ZNF423: variants seen among roughly 807,000 people sequenced by gnomAD.
ZNF423 encodes Ebf-associated zinc finger protein.
In ZNF423, 12 loss-of-function variants were observed where a neutral mutation model predicts 95.8. The ratio of observed to expected loss-of-function variants is 0.13; its 90% CI spans 0.08 to 0.20. ZNF423 has a LOEUF of 0.20. ZNF423 is among the 10% of genes least tolerant of loss of function. The probability of loss-of-function intolerance (pLI) is 1.00; values close to 1 mark genes in which losing one functional copy is unlikely to be tolerated. For missense variants in ZNF423, 1,316 were observed against 1,737.1 expected, an observed-to-expected ratio of 0.76 and a Z score of 4.31; for synonymous variants, 749 against 711.9, an observed-to-expected ratio of 1.05 and a Z score of -0.83.
chr16:49,509,145 G>A (rs8057047), intron 7 of ZNF423, among the ~76,000 whole-genome samples: 8,196 of 152,188 alleles, frequency 0.054, 330 homozygotes, highest in African/African-American at 0.11. Context: ...AAAGTGGCTC[G>A]CTAAGTCGTC....
intron 5 of ZNF423, among the ~76,000 whole-genome samples, chr16:49,595,790 G>A (rs59642940): frequency 0.068 from 10,339 of 152,154 alleles, 578 homozygotes; most frequent in East Asian, 0.27. Context: ...AGCAGAGAAT[G>A]TATAAATATT....
chr16:49,582,581 A>G (rs1405508436), intron 5 of ZNF423, among the ~76,000 whole-genome samples: 1 of 152,366 alleles, frequency 6.6e-6, no homozygotes, highest in East Asian at 1.9e-4. Flanking sequence ...AATGTAATTG[A>G]TCCCATCTGA....
chr16:49,490,931 A>G lies in ZNF423; in HGVS notation c.*344T>C. 1 of 250,042 alleles carries G rather than the reference A, an allele frequency of 4.0e-6. No homozygotes were observed. The highest frequency in any genetic ancestry group is 7.6e-6 in the Non-Finnish European group (1 of 131,284). The allele number at this position is 250,042 out of a possible 1,614,324, so 15.5% of individuals were successfully genotyped here. A position where few individuals can be genotyped will look rare whatever the true frequency, so the allele number is the denominator to read the frequency against. On this transcript the variant is annotated 3_prime_UTR_variant, in exon 8 of 8. Transcript: ENST00000563137. ...AAAAGAAGCAAAGAAAAAAAATCAC[A>G]CTAATTCTTTTTTAAAAACTATCAA... is the stretch of plus-strand genomic sequence containing the variant.
intron 2 of ZNF423, among the ~76,000 whole-genome samples, chr16:49,785,726 G>A (rs915010583): frequency 3.3e-5 from 5 of 152,166 alleles, no homozygotes; most frequent in African/African-American, 1.2e-4. Flanking sequence ...CATCCACCAC[G>A]GCCCCCTCAC....
chr16:49,845,210 T>C (rs2035232644), intron 1 of ZNF423, among the ~76,000 whole-genome samples: 1 of 150,872 alleles, frequency 6.6e-6, no homozygotes, highest in Non-Finnish European at 1.5e-5. Flanking sequence ...GTTCCAGCGA[T>C]TCTCCTGCCT....
At chr16:49,571,325 A>C (rs139197472) in intron 5 of ZNF423, among the ~76,000 whole-genome samples, 2,692 of 152,106 alleles carry the variant, frequency 0.018, 35 homozygotes, top group South Asian at 0.035. Flanking sequence ...GCCAGGGAGG[A>C]AGATATTCAC....
At chr16:49,702,903 GCA>G (rs879766699) in intron 3 of ZNF423, among the ~76,000 whole-genome samples, 252 of 118,562 alleles carry the variant, frequency 2.1e-3, no homozygotes, top group Non-Finnish European at 3.4e-3. Flanking sequence ...CTGCCTGTGT[GCA>G]CACGCACACA....
chr16:49,787,655 G>T (rs2034337675), intron 2 of ZNF423, among the ~76,000 whole-genome samples: 1 of 152,136 alleles, frequency 6.6e-6, no homozygotes, highest in Non-Finnish European at 1.5e-5. Flanking sequence ...CTGCAAGCTG[G>T]GAGACACCTC....
intron 3 of ZNF423, among the ~76,000 whole-genome samples, chr16:49,639,811 C>T (rs533647847): frequency 6.6e-6 from 1 of 152,248 alleles, no homozygotes; most frequent in Non-Finnish European, 1.5e-5. Context: ...CACAACCCCC[C>T]TCGTTTGCTG....
chr16:49,676,082 A>G (rs2031034379), intron 3 of ZNF423, among the ~76,000 whole-genome samples: 1 of 152,224 alleles, frequency 6.6e-6, no homozygotes, highest in Non-Finnish European at 1.5e-5. Context: ...ATGGTTAGTA[A>G]ATAAACACTT....
In ZNF423 at chr16:49,703,788, G is replaced by A. The variant is rs139927321; in HGVS notation, c.301+26983C>T. Among the ~76,000 whole-genome samples, 11 of 152,316 alleles carry A rather than the reference G, an allele frequency of 7.2e-5. No homozygotes were observed. In the East Asian group the frequency reaches 1.2e-3, roughly 16 times the overall value. On this transcript the variant is annotated intron_variant, in intron 3 of 7. Coordinates refer to ENST00000563137, the MANE Select transcript of ZNF423 (RefSeq NM_001379286.1). ...TCTGGAGCTGGCTGGCTCCTAGGTC[G>A]CCCTAACTCGCTGGGCTGGCAGGGG...
chr16:49,780,246 A>C lies in ZNF423; in HGVS notation c.100+9241T>G, dbSNP rs373719356. Among the ~76,000 whole-genome samples the C allele has an allele frequency of 1.2e-4, 19 of 152,340 alleles. No individual in the cohort carries two copies. In the East Asian group the frequency reaches 2.7e-3, roughly 22 times the overall value. ...ACACATGTGCACAGCAGGCATGTCG[A>C]CGAGGAAGCCAAGTACAGTGGAGCC... is the stretch of plus-strand genomic sequence containing the variant. On this transcript the variant is annotated intron_variant, in intron 2 of 7. Transcript: ENST00000563137.
At chr16:49,807,848 C>T in intron 1 of ZNF423, among the ~76,000 whole-genome samples, 1 of 152,222 alleles carries the variant, frequency 6.6e-6, no homozygotes, top group African/African-American at 2.4e-5. Flanking sequence ...AGAGCAGCAA[C>T]TCAGCCTCTC....
At chr16:49,836,401 A>G (rs1009622425) in intron 1 of ZNF423, among the ~76,000 whole-genome samples, 2 of 151,766 alleles carry the variant, frequency 1.3e-5, no homozygotes, top group Non-Finnish European at 2.9e-5. Flanking sequence ...CTTAGTCACC[A>G]GCTGGGTCTC....
intron 3 of ZNF423, among the ~76,000 whole-genome samples, chr16:49,684,624 T>C (rs2031491544): frequency 6.6e-6 from 1 of 152,088 alleles, no homozygotes; most frequent in Non-Finnish European, 1.5e-5. Flanking sequence ...GGTCAGGATG[T>C]GAGTGGCCCC....
At chr16:49,620,357 G>C (rs1972027741) in intron 5 of ZNF423, among the ~76,000 whole-genome samples, 1 of 152,136 alleles carries the variant, frequency 6.6e-6, no homozygotes, top group Non-Finnish European at 1.5e-5. Context: ...GCTGGCACTG[G>C]GGACACTTTA....
intron 7 of ZNF423, among the ~76,000 whole-genome samples, chr16:49,514,213 TGCACACGCACATGCGTACACACACAC>T (rs1968032131): frequency 1.4e-5 from 1 of 70,406 alleles, no homozygotes; most frequent in Non-Finnish European, 3.2e-5. Flanking sequence ...CACACACACA[TGCACACGCACATGCGTACACACACAC>T]GCACACGCAC....
intron 7 of ZNF423, among the ~76,000 whole-genome samples, chr16:49,496,283 G>A (rs1967162947): frequency 6.6e-6 from 1 of 152,240 alleles, no homozygotes; most frequent in South Asian, 2.1e-4. Context: ...ATAGGGTTTG[G>A]ATGTTTGTCC....
At chr16:49,517,705 C>CAGTT (rs1048926871) in intron 7 of ZNF423, 1 of 236,368 alleles carries the variant, frequency 4.2e-6, no homozygotes. Flanking sequence ...TAGATCAGGC[C>CAGTT]AGTTAATGGT....
Sources: allele counts gnomAD v4.1 joint callset (sites outside exome capture counted in the v4.1 genomes callset), GRCh38; gene constraint gnomAD v4.1.1; transcripts MANE v1.5; gene names NCBI Gene and HGNC (gene_info 2026-07-23, HGNC 2026-07-21).